Variants in MYO18A observed in about 807,000 individuals in gnomAD.
MYO18A encodes myosin XVIIIA, also known as unconventional myosin-XVIIIa.
A neutral mutation model predicts 235.8 loss-of-function variants in MYO18A; 78 were observed. That is an observed-to-expected ratio of 0.33 (90% CI 0.28 to 0.40). The LOEUF (loss-of-function observed/expected upper bound fraction) is 0.40. Among genes scored for constraint, MYO18A ranks in the 10% least tolerant of loss-of-function variants. MYO18A has a pLI of 1.00. For synonymous variants in MYO18A, 977 were observed against 1,077.8 expected (o/e 0.91, Z 1.83); for missense variants, 2,215 against 2,699.3 (o/e 0.82, Z 3.98).
chr17:29,134,940 C>T (rs868695559), intron 2 of MYO18A, among the ~76,000 whole-genome samples: 2 of 152,116 alleles, frequency 1.3e-5, no homozygotes, highest in Admixed American at 1.3e-4. Flanking sequence ...CACACAATTA[C>T]GTGGGGCAAG....
intron 40 of MYO18A, among the ~76,000 whole-genome samples, chr17:29,083,889 G>A (rs1253799748): frequency 3.3e-5 from 5 of 152,232 alleles, no homozygotes; most frequent in African/African-American, 1.2e-4. Flanking sequence ...ATTGCCTTTA[G>A]AAAGGAGGTG....
intron 7 of MYO18A, 63 bp from the exon 8 acceptor site, chr17:29,119,498 A>G: frequency 8.0e-7 from 1 of 1,254,004 alleles, no homozygotes; most frequent in Non-Finnish European, 1.1e-6. Flanking sequence ...CTCCCACCCC[A>G]CATAAGAAGG....
intron 2 of MYO18A, among the ~76,000 whole-genome samples, chr17:29,124,456 G>C (rs1034448918): frequency 1.3e-5 from 2 of 152,232 alleles, no homozygotes; most frequent in African/African-American, 4.8e-5. Context: ...GCCTGACACA[G>C]AGCTGCACCA....
chr17:29,120,552 T>C lies in MYO18A; in HGVS notation c.1728+64A>G. The stretch of plus-strand genomic sequence containing the variant: ...AAATGAGGCATGGGAGAGAGCCTGA[T>C]GTCTAGGTCATGAAATCATGTGGCC... On this transcript the variant is annotated intron_variant, in intron 7 of 41. Transcript: ENST00000527372. The surrounding 1 kb of genome is among the most constrained non-coding windows in gnomAD (Gnocchi z 4.2). 1 of 1,555,654 alleles carries C rather than the reference T, an allele frequency of 6.4e-7. No homozygotes were observed. The highest frequency in any genetic ancestry group is 8.7e-7 in the Non-Finnish European group (1 of 1,148,552).
intron 2 of MYO18A, among the ~76,000 whole-genome samples, chr17:29,143,402 G>GTTTT (rs532615100): frequency 4.1e-5 from 5 of 121,532 alleles, no homozygotes; most frequent in Admixed American, 1.7e-4. Flanking sequence ...CACCATGTAG[G>GTTTT]TTTTTTTTTT....
rs2066796081 is a variant in MYO18A, at chr17:29,106,749, C to A, written c.3441+331G>T. 6.6e-6 allele frequency among the ~76,000 whole-genome samples: 1 copy of A among 152,208 alleles called. No individual in the cohort carries two copies. The highest frequency in any genetic ancestry group is 2.4e-5 in the African/African-American group (1 of 41,448). On this transcript the variant is annotated intron_variant, in intron 20 of 41. Coordinates refer to ENST00000527372, the MANE Select transcript of MYO18A (RefSeq NM_078471.4). This position sits in a 1 kb window ranked among gnomAD's most constrained non-coding sequence, Gnocchi z 4.6. ...CAGCTTCCTGCTTCAGGAACCAATC[C>A]CTGACATGGGGGCCCAGGTGCCATC...
At chr17:29,174,377 C>T (rs1281723463) in intron 1 of MYO18A, among the ~76,000 whole-genome samples, 2 of 152,024 alleles carry the variant, frequency 1.3e-5, no homozygotes, top group Non-Finnish European at 2.9e-5. Flanking sequence ...GGCAGTGGTG[C>T]ACACCTGTGA....
At position 29,098,360 on chromosome 17, in the gene MYO18A, C is replaced by A; in HGVS notation, c.3866G>T (p.Ser1289Ile). The change falls in exon 24 of 42, where the codon AGC (serine) becomes ATC (isoleucine). Residue 1289 changes from serine to isoleucine, a missense_variant. By Grantham distance (142) the Ser-to-Ile change is moderately radical. Transcript: ENST00000527372. ...GTGGTGCCAGGAGTCACTCACCCGG[C>A]TCTCCAGCCGGTCACTGTTGAGCCG... ...ELRLNSDRLESRISELTSELT... is the reference protein window; with the variant it reads ...ELRLNSDRLEIRISELTSELT... 1 of 1,613,814 alleles carries A rather than the reference C, an allele frequency of 6.2e-7. No homozygotes were observed. The highest frequency in any genetic ancestry group is 8.5e-7 in the Non-Finnish European group (1 of 1,179,858).
At position 29,115,419 on chromosome 17, in the gene MYO18A, C is replaced by T. The variant is rs1964557395; in HGVS notation, c.2250G>A (p.Glu750=). 6.2e-7 allele frequency: 1 copy of T among 1,613,810 alleles called. No individual in the cohort carries two copies. Among genetic ancestry groups the T allele is most frequent in the Admixed American group, 1.7e-5 (1 of 60,006 alleles). ...DGTGPKLSAL[E]CLEGMAAGLY... is the part of the protein sequence containing the mutation. ...GGCCGGCCGCCATGCCCTCAAGGCACTCCAGTGCACTCAGTTTCGGGCCTG... is the reference window on the plus strand; with the variant it reads ...GGCCGGCCGCCATGCCCTCAAGGCATTCCAGTGCACTCAGTTTCGGGCCTG... Residue 750 remains glutamate (E), a synonymous_variant, in exon 13 of 42, where the codon GAG becomes GAA. Coordinates refer to ENST00000527372, the MANE Select transcript of MYO18A (RefSeq NM_078471.4).
At chr17:29,175,053 C>G (rs532776179) in intron 1 of MYO18A, among the ~76,000 whole-genome samples, 1 of 152,094 alleles carries the variant, frequency 6.6e-6, no homozygotes, top group African/African-American at 2.4e-5. Flanking sequence ...AATATATGCT[C>G]TGGGGAGGAG....
At chr17:29,169,584 T>C (rs2068356577) in intron 1 of MYO18A, among the ~76,000 whole-genome samples, 1 of 152,154 alleles carries the variant, frequency 6.6e-6, no homozygotes, top group South Asian at 2.1e-4. Flanking sequence ...TAAACCAAGA[T>C]GTGGGGTCTT....
At chr17:29,093,883 C>T (rs1309152980) in intron 31 of MYO18A, 97 bp downstream of exon 31, 18 of 829,428 alleles carry the variant, frequency 2.2e-5, no homozygotes, top group South Asian at 3.4e-5. Flanking sequence ...CAATGGAAGA[C>T]GATGTGGCTG....
chr17:29,073,890 C>G lies in MYO18A; in HGVS notation c.*880G>C. 1 of 1,607,512 alleles carries G rather than the reference C, an allele frequency of 6.2e-7. No homozygotes were observed. Among genetic ancestry groups the G allele is most frequent in the Non-Finnish European group, 8.5e-7 (1 of 1,174,478 alleles). On this transcript the variant is annotated 3_prime_UTR_variant, in exon 42 of 42. Transcript: ENST00000527372. ...TTCCCTCTCAAGTTGAGTTTATGGT[C>G]CAGACCACCTGGACAGAGCAGGAGG...
At chr17:29,132,730 A>G (rs1360320683) in intron 2 of MYO18A, among the ~76,000 whole-genome samples, 1 of 152,230 alleles carries the variant, frequency 6.6e-6, no homozygotes, top group Non-Finnish European at 1.5e-5. Flanking sequence ...AACGGGCTCA[A>G]TCTTCATAGT....
chr17:29,087,018 T>C lies in MYO18A; in HGVS notation c.5630A>G (p.Gln1877Arg). The C allele has an allele frequency of 6.2e-7, 1 of 1,614,064 alleles. No individual in the cohort carries two copies. Among genetic ancestry groups the C allele is most frequent in the Non-Finnish European group, 8.5e-7 (1 of 1,179,900 alleles). The part of the protein sequence containing the change: ...NREKEQNKRL[Q>R]RQLRDTKEEM... ...CTCCTTGGTGTCCCGGAGCTGCCTC[T>C]GTAGCCGCTTGTTCTGTTCCTTCTC... Residue 1877 changes from glutamine to arginine, a missense_variant, in exon 38 of 42, where the codon CAG (glutamine) becomes CGG (arginine). By Grantham distance (43) the Gln-to-Arg change is conservative. Transcript: ENST00000527372.
In MYO18A at chr17:29,120,491, T is replaced by C. The variant is rs1204830794; in HGVS notation, c.1728+125A>G. On this transcript the variant is annotated intron_variant, in intron 7 of 41. Transcript: ENST00000527372. The surrounding 1 kb of genome is among the most constrained non-coding windows in gnomAD (Gnocchi z 4.2). The stretch of plus-strand genomic sequence containing the variant: ...GGATAGTGCAGGCCAACCCTGCCCA[T>C]GCCTGGGTCAATTTTGTTAGGGTAG... 3 of 1,310,652 alleles carry C rather than the reference T, an allele frequency of 2.3e-6. No homozygotes were observed. The highest frequency in any genetic ancestry group is 3.1e-6 in the Non-Finnish European group (3 of 962,538). 81.2% of individuals were successfully genotyped at this position (1,310,652 alleles called of 1,614,324 possible).
intron 11 of MYO18A, 86 bp downstream of exon 11, chr17:29,116,358 G>A: frequency 6.4e-7 from 1 of 1,552,672 alleles, no homozygotes; most frequent in East Asian, 2.2e-5. Context: ...AGGGGAAAGG[G>A]AACAGCCCGC....
Position 29,176,387 on chromosome 17 carries a change from G to GA in MYO18A, c.-82+3925dup, listed in dbSNP as rs71359276. ...ATGGGTCACCTAGCAGCTGGCAAAAGAAAAAAAAAACCCAGGAAATGGAAA... is the reference window on the plus strand; with the variant it reads ...ATGGGTCACCTAGCAGCTGGCAAAAGAAAAAAAAAAACCCAGGAAATGGAAA... On this transcript the variant is annotated intron_variant, in intron 1 of 41. Coordinates refer to ENST00000527372, the MANE Select transcript of MYO18A (RefSeq NM_078471.4). Among the ~76,000 whole-genome samples, 76 of 146,070 alleles carry GA rather than the reference G, an allele frequency of 5.2e-4. 1 individual carries two copies. The highest frequency in any genetic ancestry group is 2.8e-3 in the East Asian group (14 of 4,984).
At chr17:29,142,681 G>C (rs940134522) in intron 2 of MYO18A, among the ~76,000 whole-genome samples, 6 of 152,250 alleles carry the variant, frequency 3.9e-5, no homozygotes, top group Non-Finnish European at 7.3e-5. Flanking sequence ...AGCACGGCTT[G>C]AAAGGAATGA....
Sources: allele counts gnomAD v4.1 joint callset (sites outside exome capture counted in the v4.1 genomes callset), GRCh38; gene constraint gnomAD v4.1.1; non-coding constraint Gnocchi (gnomAD v3.1); transcripts MANE v1.5; gene names NCBI Gene and HGNC (gene_info 2026-07-23, HGNC 2026-07-21).